The following SEMA4B variants were observed in gnomAD, a reference collection of about 807,000 sequenced individuals.
SEMA4B encodes the protein semaphorin-4B.
SEMA4B carries 55 observed loss-of-function variants against 88.1 expected under a neutral mutation model. The ratio of observed to expected loss-of-function variants is 0.62; its 90% confidence interval spans 0.50 to 0.78. The LOEUF (loss-of-function observed/expected upper bound fraction) is 0.78. Ranked by LOEUF, SEMA4B falls within the 30% of genes least tolerant of loss-of-function variation. The pLI, the probability that SEMA4B is intolerant of heterozygous loss-of-function variation, is 0.00. For synonymous variants in SEMA4B, 525 were observed against 473.6 expected (o/e 1.11, Z -1.41); for missense variants, 1,062 against 1,111.9 (o/e 0.96, Z 0.64).
chr15:90,213,405 C>T (rs894889413), intron 1 of SEMA4B, among the ~76,000 whole-genome samples: 1 of 152,254 alleles, frequency 6.6e-6, no homozygotes, highest in African/African-American at 2.4e-5. Flanking sequence ...CTTCACCCCC[C>T]TCTCCAAGGC....
chr15:90,224,045 C>A lies in SEMA4B; in HGVS notation c.1194+57C>A. The A allele has an allele frequency of 2.6e-6, 4 of 1,542,354 alleles. No individual in the cohort carries two copies. In the South Asian group the frequency reaches 4.6e-5, roughly 18 times the overall value. On this transcript the variant is annotated intron_variant, in intron 9 of 13. Transcript: ENST00000411539. The stretch of plus-strand genomic sequence containing the variant: ...TGCCGGGAAGATGTGGGTCCCCACA[C>A]CATGCTGGGAGCAAGGCTGCCTAGC...
intron 3 of SEMA4B, among the ~76,000 whole-genome samples, chr15:90,218,680 G>T (rs972269998): frequency 2.6e-5 from 4 of 152,164 alleles, no homozygotes; most frequent in African/African-American, 9.7e-5. Flanking sequence ...GCCAGGCATG[G>T]TGGCAGGCGC....
At chr15:90,213,827 C>T (rs934853023) in intron 1 of SEMA4B, among the ~76,000 whole-genome samples, 1 of 152,224 alleles carries the variant, frequency 6.6e-6, no homozygotes, top group Non-Finnish European at 1.5e-5. Context: ...CAGTGTCTGT[C>T]TTGGTCTCAC....
At chr15:90,199,931 T>G (rs1960642838), upstream of SEMA4B, among the ~76,000 whole-genome samples, 1 of 152,030 alleles carries the variant, frequency 6.6e-6, no homozygotes, top group Non-Finnish European at 1.5e-5. Flanking sequence ...TTGAACCCAT[T>G]TAGAGTAAGC....
In SEMA4B at chr15:90,214,972, C is replaced by T. The variant is rs1017961286; in HGVS notation, c.158-2467C>T. 8.6e-6 allele frequency: 11 copies of T among 1,277,300 alleles called. No homozygotes were observed. The African/African-American group carries it at 1.5e-4, about 18-fold the overall frequency. 79.1% of individuals were successfully genotyped at this position (1,277,300 alleles called of 1,614,324 possible). ...TGTAAAAACACTCCACAGGTAAACA[C>T]ACATGAAGTCATCTTCACAGCTGCT... On this transcript the variant is annotated intron_variant, in intron 1 of 13. Transcript: ENST00000411539.
At chr15:90,219,266 G>A (rs1313337089) in intron 3 of SEMA4B, 1 of 152,188 alleles carries the variant, frequency 6.6e-6, no homozygotes, top group Admixed American at 6.5e-5. Flanking sequence ...TGGGGCCTCA[G>A]CGACTGAAAA....
upstream of SEMA4B, among the ~76,000 whole-genome samples, chr15:90,200,680 G>C (rs1291031874): frequency 6.6e-6 from 1 of 152,154 alleles, no homozygotes; most frequent in African/African-American, 2.4e-5. Context: ...AGGTTGTGAA[G>C]GTTTTACCTC....
intron 1 of SEMA4B, among the ~76,000 whole-genome samples, chr15:90,211,215 G>A (rs1362301685): frequency 6.6e-6 from 1 of 152,206 alleles, no homozygotes. Context: ...GGCTCCTAAG[G>A]TGACGGCAGT....
intron 4 of SEMA4B, among the ~76,000 whole-genome samples, chr15:90,220,659 G>A (rs7171365): frequency 0.29 from 43,895 of 151,432 alleles, 6,772 homozygotes; most frequent in Non-Finnish European, 0.34. Context: ...GTGAGCCACC[G>A]CGCCCGGCCA....
rs987537351 is a variant in SEMA4B at position 90,223,578 on chromosome 15, G to A, written c.881G>A (p.Arg294Gln). Residue 294 changes from arginine to glutamine, a missense_variant, in exon 8 of 14, where the codon CGG (arginine) becomes CAG (glutamine). Transcript: ENST00000411539. Reference sequence around the variant, plus strand: ...CTCCAGGGCGATGAGGGTGGAGAGCGGGTGCTACAGCAGCGCTGGACCTCC... The same window carrying A: ...CTCCAGGGCGATGAGGGTGGAGAGCAGGTGCTACAGCAGCGCTGGACCTCC... ...RICKGDEGGE[R>Q]VLQQRWTSFL... 6 of 1,601,118 alleles carry A rather than the reference G, an allele frequency of 3.7e-6. No individual in the cohort carries two copies. The highest frequency in any genetic ancestry group is 3.4e-5 in the Admixed American group (2 of 58,670).
chr15:90,200,164 C>T (rs1416204593), upstream of SEMA4B, among the ~76,000 whole-genome samples: 1 of 152,200 alleles, frequency 6.6e-6, no homozygotes, highest in African/African-American at 2.4e-5. Flanking sequence ...CTCTTGACAG[C>T]ATCCCTGTTG....
chr15:90,229,252 A>C lies in SEMA4B; in HGVS notation c.*609A>C, dbSNP rs766842320. 51 of 454,434 alleles carry C rather than the reference A, an allele frequency of 1.1e-4. No individual in the cohort carries two copies. The highest frequency in any genetic ancestry group is 1.4e-4 in the Non-Finnish European group (31 of 225,550). The allele number at this position is 454,434 out of a possible 1,614,324, so 28.2% of individuals were successfully genotyped here. ...CTAGGTTGGCACTGCGGCCCTCACCAGGTCCTGGGCTCGGACCCAACTCCT... is the reference window on the plus strand; with the variant it reads ...CTAGGTTGGCACTGCGGCCCTCACCCGGTCCTGGGCTCGGACCCAACTCCT... On this transcript the variant is annotated 3_prime_UTR_variant, in exon 14 of 14. Transcript: ENST00000411539.
At chr15:90,198,304 A>G (rs575260789), upstream of SEMA4B, among the ~76,000 whole-genome samples, 3 of 152,182 alleles carry the variant, frequency 2.0e-5, no homozygotes, top group East Asian at 5.8e-4. Context: ...CTGTGACTCA[A>G]GTTGCATTCA....
chr15:90,228,277 G>A lies in SEMA4B; in HGVS notation c.2148G>A (p.Lys716=). ...ASWGADRSYW[K]EFLVMCTLFV... ...GGGGTGCAGACAGGTCCTACTGGAA[G>A]GAGTTCCTGGTGATGTGCACGCTCT... The change falls in exon 14 of 14, where the codon AAG becomes AAA. Residue 716 remains lysine, a synonymous_variant. Transcript: ENST00000411539. 1 of 1,589,936 alleles carries A rather than the reference G, an allele frequency of 6.3e-7. No individual in the cohort carries two copies.
chr15:90,198,798 G>C (rs1410892989), upstream of SEMA4B, among the ~76,000 whole-genome samples: 1 of 152,192 alleles, frequency 6.6e-6, no homozygotes, highest in Non-Finnish European at 1.5e-5. Context: ...CTCCAAGTAA[G>C]GTCATTGTGA....
intron 1 of SEMA4B, among the ~76,000 whole-genome samples, chr15:90,190,727 G>A (rs555672665): frequency 1.1e-4 from 17 of 151,114 alleles, no homozygotes; most frequent in Admixed American, 4.6e-4. Context: ...GTGTGTGTCT[G>A]TGTGTGTCTG....
At chr15:90,193,226 T>C (rs1285616484) in intron 1 of SEMA4B, 3 of 152,274 alleles carry the variant, frequency 2.0e-5, no homozygotes, top group African/African-American at 7.2e-5. Context: ...CATCGTTGGC[T>C]TGGGAACCGC....
chr15:90,221,795 C>T, intron 7 of SEMA4B, 30 bp downstream of exon 7: 3 of 1,606,784 alleles, frequency 1.9e-6, no homozygotes, highest in Non-Finnish European at 2.6e-6. Flanking sequence ...AGGGTGGCCA[C>T]CCCAGGGACC....
chr15:90,228,836 G>A lies in SEMA4B; in HGVS notation c.*193G>A, dbSNP rs1226494439. 2.7e-6 allele frequency: 2 copies of A among 734,040 alleles called. No homozygotes were observed. Among genetic ancestry groups the A allele is most frequent in the Non-Finnish European group, 4.3e-6 (2 of 460,718 alleles). The allele number at this position is 734,040 out of a possible 1,614,324, so 45.5% of individuals were successfully genotyped here. A position where few individuals can be genotyped will look rare whatever the true frequency, so the allele number is the denominator to read the frequency against. On this transcript the variant is annotated 3_prime_UTR_variant, in exon 14 of 14. Coordinates refer to ENST00000411539, the MANE Select transcript of SEMA4B (RefSeq NM_198925.4). ...CTCCTACCACCCAGACACCCAAACA[G>A]CCGTGGCCCCAGAGGTCCTGGCCAA...
Sources: gnomAD v4.1 joint callset for allele counts (sites outside exome capture counted in the v4.1 genomes callset) on GRCh38, gnomAD v4.1.1 for gene constraint, MANE v1.5 for transcripts, NCBI Gene and HGNC (gene_info 2026-07-23, HGNC 2026-07-21) for gene names.